Variants in MGAT4C observed in about 807,000 individuals in gnomAD.
The protein encoded by MGAT4C is MGAT4 family member C, also known as alpha-1,3-mannosyl-glycoprotein 4-beta-N-acetylglucosaminyltransferase C.
MGAT4C carries 19 observed loss-of-function variants against 40.1 expected under a neutral mutation model. The ratio of observed to expected loss-of-function variants is 0.47; its 90% CI spans 0.33 to 0.70. The LOEUF is 0.70. Ranked by LOEUF, MGAT4C falls within the 30% of genes least tolerant of loss-of-function variation. The pLI, the probability that MGAT4C is intolerant of heterozygous loss-of-function variation, is 0.02. For synonymous variants in MGAT4C, 181 were observed against 187.1 expected (o/e 0.97, Z 0.27); for missense variants, 491 against 563.2 (o/e 0.87, Z 1.30).
Position 86,049,733 on chromosome 12 carries a change from A to T in MGAT4C, c.-56-10T>A. 3.1e-6 allele frequency: 3 copies of T among 964,640 alleles called. No homozygotes were observed. In the South Asian group the frequency reaches 1.4e-4, roughly 46 times the overall value. 59.8% of individuals were successfully genotyped at this position (964,640 alleles called of 1,614,324 possible). ...AGAAACCGTTGATACCCTGGAAAAA[A>T]GAAAGTCTAATATTACTAATACAAC... On this transcript the variant is annotated splice_polypyrimidine_tract_variant and intron_variant, in intron 1 of 4. Transcript: ENST00000611864.
intron 2 of MGAT4C, among the ~76,000 whole-genome samples, chr12:86,538,643 T>G (rs1959116270): frequency 6.7e-6 from 1 of 149,848 alleles, no homozygotes; most frequent in Non-Finnish European, 1.5e-5. Context: ...AGTCTTGCTC[T>G]GTCGCCCAGG....
At chr12:86,477,984 A>G (rs938640982) in intron 2 of MGAT4C, among the ~76,000 whole-genome samples, 1 of 152,126 alleles carries the variant, frequency 6.6e-6, no homozygotes, top group Non-Finnish European at 1.5e-5. Context: ...TTTTAAGAGC[A>G]TTTCATATTT....
chr12:86,131,256 T>C (rs61932264), intron 1 of MGAT4C, among the ~76,000 whole-genome samples: 11,436 of 152,190 alleles, frequency 0.075, 586 homozygotes, highest in Middle Eastern at 0.21. Flanking sequence ...TACATGGATC[T>C]AGAAGCTGAT....
intron 1 of MGAT4C, among the ~76,000 whole-genome samples, chr12:86,835,740 TATCCAC>T (rs1204600750): frequency 2.4e-4 from 37 of 152,098 alleles, no homozygotes; most frequent in African/African-American, 8.7e-4. Context: ...TATGCGTAAG[TATCCAC>T]AGGTTCTTTA....
chr12:86,617,170 T>C (rs2136483405), intron 2 of MGAT4C, among the ~76,000 whole-genome samples: 1 of 152,338 alleles, frequency 6.6e-6, no homozygotes, highest in Admixed American at 6.5e-5. Context: ...AGCAAGTTAG[T>C]AGTCATTTTT....
chr12:86,603,623 A>G (rs1961908334), intron 2 of MGAT4C, among the ~76,000 whole-genome samples: 1 of 125,726 alleles, frequency 8.0e-6, no homozygotes, highest in African/African-American at 3.1e-5. Context: ...TATATTATAT[A>G]GTCTATAGAC....
chr12:86,288,375 C>T (rs532104203), intron 4 of MGAT4C, among the ~76,000 whole-genome samples: 1 of 152,162 alleles, frequency 6.6e-6, no homozygotes, highest in East Asian at 1.9e-4. Context: ...TCAATTTTGG[C>T]TTTTGTTGCC....
intron 1 of MGAT4C, among the ~76,000 whole-genome samples, chr12:86,249,835 G>C (rs1952192963): frequency 6.6e-6 from 1 of 152,138 alleles, no homozygotes; most frequent in Non-Finnish European, 1.5e-5. Flanking sequence ...ACTCAGCTAA[G>C]TGACAGCTTA....
intron 3 of MGAT4C, among the ~76,000 whole-genome samples, chr12:86,377,091 G>T (rs541221331): frequency 7.6e-6 from 1 of 132,304 alleles, no homozygotes; most frequent in African/African-American, 2.9e-5. Flanking sequence ...ATGGAGTTTC[G>T]CTCTTGTTGC....
chr12:86,603,551 A>ACC (rs1427435197), intron 2 of MGAT4C, among the ~76,000 whole-genome samples: 2 of 4,228 alleles, frequency 4.7e-4, no homozygotes, highest in Non-Finnish European at 3.1e-3. Flanking sequence ...GACTATAGAT[A>ACC]ATATATAGTC....
intron 2 of MGAT4C, among the ~76,000 whole-genome samples, chr12:86,651,536 A>C (rs1963696978): frequency 6.6e-6 from 1 of 151,876 alleles, no homozygotes; most frequent in African/African-American, 2.4e-5. Flanking sequence ...GTTAAATATG[A>C]GTTTGCTTAT....
At chr12:86,161,890 T>C (rs1316030164) in intron 1 of MGAT4C, among the ~76,000 whole-genome samples, 1 of 151,998 alleles carries the variant, frequency 6.6e-6, no homozygotes, top group Non-Finnish European at 1.5e-5. Flanking sequence ...AACAAACGCA[T>C]GAAAAAATGC....
At chr12:86,804,976 A>G (rs1477731108) in intron 1 of MGAT4C, among the ~76,000 whole-genome samples, 5 of 152,022 alleles carry the variant, frequency 3.3e-5, no homozygotes, top group Non-Finnish European at 7.4e-5. Context: ...CAGAAGTAAG[A>G]TTACTGGAAT....
intron 3 of MGAT4C, among the ~76,000 whole-genome samples, chr12:86,403,040 C>G (rs1956400193): frequency 6.6e-6 from 1 of 152,106 alleles, no homozygotes; most frequent in Admixed American, 6.5e-5. Flanking sequence ...AATAACTTGT[C>G]TTACTTTATA....
chr12:86,514,223 C>T (rs1397783046), intron 2 of MGAT4C, among the ~76,000 whole-genome samples: 1 of 152,032 alleles, frequency 6.6e-6, no homozygotes, highest in East Asian at 1.9e-4. Context: ...TGTAGCCATA[C>T]AGGACAAAAA....
chr12:86,145,322 T>G (rs1883372092), intron 1 of MGAT4C, among the ~76,000 whole-genome samples: 1 of 152,194 alleles, frequency 6.6e-6, no homozygotes, highest in Non-Finnish European at 1.5e-5. Flanking sequence ...CATGCAGTTC[T>G]GGCAATCAGT....
At chr12:86,009,081 C>T (rs1007835165) in intron 2 of MGAT4C, among the ~76,000 whole-genome samples, 1 of 151,924 alleles carries the variant, frequency 6.6e-6, no homozygotes, top group African/African-American at 2.4e-5. Context: ...TATTGGAGTG[C>T]CAATCTCAGA....
At chr12:86,289,148 A>G (rs558677058) in intron 4 of MGAT4C, among the ~76,000 whole-genome samples, 2 of 152,294 alleles carry the variant, frequency 1.3e-5, no homozygotes, top group East Asian at 3.9e-4. Context: ...TCCCAGCACC[A>G]TTTATTGAAC....
chr12:86,335,268 T>TAAA, intron 3 of MGAT4C, among the ~76,000 whole-genome samples: 1 of 152,094 alleles, frequency 6.6e-6, no homozygotes, highest in African/African-American at 2.4e-5. Context: ...AGAACACTTG[T>TAAA]TATTTTATTA....
Sources: allele counts gnomAD v4.1 joint callset (sites outside exome capture counted in the v4.1 genomes callset), GRCh38; gene constraint gnomAD v4.1.1; transcripts MANE v1.5; gene names NCBI Gene and HGNC (gene_info 2026-07-23, HGNC 2026-07-21).